Variants in DGKD observed in about 807,000 individuals in gnomAD.
The protein encoded by DGKD is diacylglycerol kinase delta.
A neutral mutation model predicts 154.4 loss-of-function variants in DGKD; 68 were observed. The ratio of observed to expected loss-of-function variants is 0.44; its 90% CI spans 0.36 to 0.54. DGKD has a LOEUF of 0.54. Among genes scored for constraint, DGKD ranks in the 20% least tolerant of loss-of-function variants. DGKD has a pLI of 0.00. For missense variants in DGKD, 1,343 were observed against 1,593.6 expected (o/e 0.84, Z 2.68); for synonymous variants, 693 against 638.0 (o/e 1.09, Z -1.30).
chr2:233,364,773 A>G (rs1323410182), intron 1 of DGKD, among the ~76,000 whole-genome samples: 1 of 152,272 alleles, frequency 6.6e-6, no homozygotes, highest in African/African-American at 2.4e-5. Context: ...CCAGTATGTC[A>G]GTAATCACAT....
chr2:233,417,311 T>C (rs1009076194), intron 3 of DGKD, among the ~76,000 whole-genome samples: 4 of 152,188 alleles, frequency 2.6e-5, no homozygotes, highest in African/African-American at 9.7e-5. Context: ...GGGATTACAG[T>C]CATGAGCCCC....
In DGKD at chr2:233,468,277, T is replaced by C. The variant is rs113688339; in HGVS notation, c.3425-146T>C. The stretch of plus-strand genomic sequence containing the variant: ...CCGGCTGCTGGGCTATCTCAGGCGC[T>C]GGCTGCTGCTGGGCTGTCTCGGGTG... On this transcript the variant is annotated intron_variant, in intron 28 of 29. Coordinates refer to ENST00000264057, the MANE Select transcript of DGKD (RefSeq NM_152879.3). The C allele has an allele frequency of 6.2e-5, 57 of 916,214 alleles. No individual in the cohort carries two copies. The African/African-American group carries it at 8.2e-4, about 13-fold the overall frequency. The allele number at this position is 916,214 out of a possible 1,614,324, so 56.8% of individuals were successfully genotyped here. A position where few individuals can be genotyped will look rare whatever the true frequency, so the allele number is the denominator to read the frequency against.
Position 233,467,043 on chromosome 2 carries a change from C to G in DGKD, c.3307-43C>G, listed in dbSNP as rs750255937. On this transcript the variant is annotated intron_variant, in intron 27 of 29. Transcript: ENST00000264057. ...GTGGAGATGGGCATGAGGCCGTGAT[C>G]AGTTGCAGCCTGATTCTCAGTATTC... is the stretch of plus-strand genomic sequence containing the variant. 3.4e-6 allele frequency: 5 copies of G among 1,486,420 alleles called. No individual in the cohort carries two copies. In the East Asian group the frequency reaches 1.1e-4, roughly 34 times the overall value. The allele number at this position is 1,486,420 out of a possible 1,614,324, so 92.1% of individuals were successfully genotyped here.
intron 17 of DGKD, 135 bp downstream of exon 17, chr2:233,451,185 A>C (rs1050789654): frequency 6.4e-6 from 6 of 937,344 alleles, no homozygotes; most frequent in Non-Finnish European, 4.5e-6. Flanking sequence ...TGAAAAATTT[A>C]CACGACTGTA....
At chr2:233,446,068 C>G (rs2063059338) in intron 11 of DGKD, among the ~76,000 whole-genome samples, 1 of 152,090 alleles carries the variant, frequency 6.6e-6, no homozygotes, top group Admixed American at 6.5e-5. Context: ...AGCCCGAGAT[C>G]TAATACCCAT....
chr2:233,375,738 T>C (rs1192166404), intron 1 of DGKD, among the ~76,000 whole-genome samples: 1 of 152,038 alleles, frequency 6.6e-6, no homozygotes, highest in Non-Finnish European at 1.5e-5. Flanking sequence ...GAAAACAATT[T>C]ATGGAAATTT....
chr2:233,377,282 C>G (rs1473711053), intron 1 of DGKD, among the ~76,000 whole-genome samples: 2 of 152,126 alleles, frequency 1.3e-5, no homozygotes, highest in Non-Finnish European at 2.9e-5. Flanking sequence ...CGGAGTTTCA[C>G]CATGTTGGCC....
chr2:233,442,419 A>G (rs2062927228), intron 10 of DGKD: 1 of 310,140 alleles, frequency 3.2e-6, no homozygotes, highest in South Asian at 3.0e-5. Context: ...ATAAAAATAG[A>G]TTTTCCTGAT....
intron 1 of DGKD, among the ~76,000 whole-genome samples, chr2:233,374,984 A>T (rs1022474479): frequency 6.6e-6 from 1 of 152,036 alleles, no homozygotes; most frequent in Non-Finnish European, 1.5e-5. Context: ...TTTCTGTTTT[A>T]TTTACACACT....
chr2:233,462,217 C>T, intron 24 of DGKD, 131 bp from the exon 25 acceptor site: 1 of 661,422 alleles, frequency 1.5e-6, no homozygotes, highest in East Asian at 2.8e-5. Context: ...AGCCACGATC[C>T]CTGTCGTCCT....
In DGKD at chr2:233,365,049, A is replaced by G. The variant is rs114209185; in HGVS notation, c.156+10375A>G. The stretch of plus-strand genomic sequence containing the variant: ...AAATGAGAAAAAGTTCATTTTGGAT[A>G]TAATAATTTAAAATTTGGAAGTAAT... On this transcript the variant is annotated intron_variant, in intron 1 of 29. Coordinates refer to ENST00000264057, the MANE Select transcript of DGKD (RefSeq NM_152879.3). 1.6e-3 allele frequency among the ~76,000 whole-genome samples: 242 copies of G among 152,334 alleles called. 1 individual carries two copies. Among genetic ancestry groups the G allele is most frequent in the African/African-American group, 5.5e-3 (229 of 41,590 alleles).
chr2:233,450,650 C>T (rs1400202817), intron 16 of DGKD, among the ~76,000 whole-genome samples: 2 of 152,174 alleles, frequency 1.3e-5, no homozygotes, highest in African/African-American at 2.4e-5. Flanking sequence ...GTGTGTGCTC[C>T]GCCTCCCACA....
At position 233,469,447 on chromosome 2, in the gene DGKD, C is replaced by G; in HGVS notation, c.3632C>G (p.Ala1211Gly). 1 of 1,601,706 alleles carries G rather than the reference C, an allele frequency of 6.2e-7. No homozygotes were observed. ...GIKELSRSAPAVEA is the reference protein window; with the variant it reads ...GIKELSRSAPGVEA ...AAGGAGCTGAGCCGCAGCGCCCCCG[C>G]CGTCGAGGCCTAGCCTCTGTCCTCT... The change falls in exon 30 of 30, where the codon GCC becomes GGC. Residue 1211 changes from alanine (A) to glycine (G), a missense_variant. Physicochemically the swap from Ala to Gly is moderately conservative, Grantham distance 60. This residue lies in a region of DGKD where 429 missense variants were observed against 496.3 expected (regional missense o/e 0.86). Transcript: ENST00000264057.
chr2:233,451,205 CT>C (rs3214825), intron 17 of DGKD, among the ~76,000 whole-genome samples, 155 bp downstream of exon 17: 1,784 of 141,990 alleles, frequency 0.013, 10 homozygotes, highest in African/African-American at 0.026. Context: ...ATGAAAAGTG[CT>C]TTTTTTTTTT....
intron 4 of DGKD, 124 bp from the exon 5 acceptor site, chr2:233,434,645 C>G (rs1015339007): frequency 1.3e-6 from 2 of 1,496,300 alleles, no homozygotes; most frequent in African/African-American, 2.8e-5. Context: ...TCTCAGCAGA[C>G]CTGTCCTTTA....
chr2:233,370,142 C>T (rs1702237613), intron 1 of DGKD, among the ~76,000 whole-genome samples: 2 of 152,240 alleles, frequency 1.3e-5, no homozygotes, highest in Non-Finnish European at 1.5e-5. Context: ...TCATTTCCCC[C>T]TCCTCCCAGC....
intron 1 of DGKD, among the ~76,000 whole-genome samples, chr2:233,377,085 T>G (rs1201781217): frequency 6.7e-6 from 1 of 150,184 alleles, no homozygotes; most frequent in Non-Finnish European, 1.5e-5. Flanking sequence ...TTCCTTTTTT[T>G]TTTTTTTTTT....
intron 19 of DGKD, among the ~76,000 whole-genome samples, chr2:233,455,103 T>C (rs2063413936): frequency 1.3e-5 from 2 of 152,152 alleles, no homozygotes; most frequent in Admixed American, 6.5e-5. Context: ...GGAAAACCAG[T>C]GATGGTGGTC....
At chr2:233,460,705 A>G (rs12620624) in intron 24 of DGKD, among the ~76,000 whole-genome samples, 8,200 of 152,236 alleles carry the variant, frequency 0.054, 507 homozygotes, top group East Asian at 0.17. Flanking sequence ...TCTGGCTAAC[A>G]TGGTGAAACC....
Sources: gnomAD v4.1 joint callset for allele counts (sites outside exome capture counted in the v4.1 genomes callset) on GRCh38, gnomAD v4.1.1 for gene constraint, gnomAD v4.1.1 regional missense constraint, MANE v1.5 for transcripts, NCBI Gene and HGNC (gene_info 2026-07-23, HGNC 2026-07-21) for gene names.